MYRIP: variants seen among roughly 807,000 people sequenced by gnomAD.
MYRIP encodes the protein rab effector MyRIP.
Under a neutral mutation model 98.0 loss-of-function variants are expected in MYRIP, and 49 were observed. The ratio of observed to expected loss-of-function variants is 0.50; its 90% CI spans 0.40 to 0.63. The LOEUF is 0.63. MYRIP is among the 30% of genes least tolerant of loss of function. MYRIP has a pLI of 0.00. For synonymous variants in MYRIP, 404 were observed against 409.5 expected, an observed-to-expected ratio of 0.99 and a Z score of 0.16; for missense variants, 1,004 against 1,058.2, an observed-to-expected ratio of 0.95 and a Z score of 0.71.
intron 3 of MYRIP, among the ~76,000 whole-genome samples, chr3:40,136,124 G>A (rs1286142346): frequency 6.6e-6 from 1 of 152,138 alleles, no homozygotes; most frequent in African/African-American, 2.4e-5. Context: ...TCAGTGTGCT[G>A]TATTCAAGAA....
intron 3 of MYRIP, among the ~76,000 whole-genome samples, chr3:40,146,220 G>A (rs1349252093): frequency 6.6e-6 from 1 of 152,172 alleles, no homozygotes; most frequent in African/African-American, 2.4e-5. Context: ...GCGTGGTAGT[G>A]GCATTTTTGC....
chr3:40,260,314 A>AAAAT lies in MYRIP; in HGVS notation c.*2152_*2155dup. 1 of 152,350 alleles carries AAAAT rather than the reference A, an allele frequency of 6.6e-6. No individual in the cohort carries two copies. Among genetic ancestry groups the AAAAT allele is most frequent in the African/African-American group, 2.4e-5 (1 of 41,576 alleles). The allele number at this position is 152,350 out of a possible 1,614,324, so 9.4% of individuals were successfully genotyped here. A position where few individuals can be genotyped will look rare whatever the true frequency, so the allele number is the denominator to read the frequency against. ...AAATGATAAGTAAAAGTCATTTATG[A>AAAAT]AAATAAAGATTGTGTGTGTGCAATT... On this transcript the variant is annotated 3_prime_UTR_variant, in exon 17 of 17. Coordinates refer to ENST00000302541, the MANE Select transcript of MYRIP (RefSeq NM_015460.4).
At chr3:39,978,850 A>G (rs779523201) in intron 2 of MYRIP, among the ~76,000 whole-genome samples, 1 of 151,836 alleles carries the variant, frequency 6.6e-6, no homozygotes, top group Non-Finnish European at 1.5e-5. Context: ...TGTCACCAGA[A>G]TATATCACTT....
At chr3:40,124,935 T>C (rs996415462) in intron 3 of MYRIP, among the ~76,000 whole-genome samples, 3 of 152,206 alleles carry the variant, frequency 2.0e-5, no homozygotes. Context: ...GAAGAGGCAG[T>C]GCAGTGGTGA....
At chr3:39,966,133 T>C (rs984382644) in intron 2 of MYRIP, among the ~76,000 whole-genome samples, 2 of 152,146 alleles carry the variant, frequency 1.3e-5, no homozygotes, top group Admixed American at 1.3e-4. Flanking sequence ...TCTTCTCTCT[T>C]GCCTCTCAGA....
At chr3:40,088,271 G>T (rs1948670025) in intron 3 of MYRIP, among the ~76,000 whole-genome samples, 2 of 152,140 alleles carry the variant, frequency 1.3e-5, no homozygotes, top group South Asian at 4.1e-4. Context: ...TGTTCAGATG[G>T]TTGTGGTTCT....
rs374197927 is a variant in MYRIP at position 40,151,117 on chromosome 3, T to G, written c.402T>G (p.Ser134Arg). Reference sequence around the variant, plus strand: ...AGAGCCGCTTCAAGCGCTTTGGCAGTGCCAAGGTTCTGAAGAACCTGTACA... The same window carrying G: ...AGAGCCGCTTCAAGCGCTTTGGCAGGGCCAAGGTTCTGAAGAACCTGTACA... ...NVKSRFKRFGSAKVLKNLYRK... is the reference protein window; with the variant it reads ...NVKSRFKRFGRAKVLKNLYRK... The change falls in exon 4 of 17, where the codon AGT becomes AGG. Residue 134 changes from serine to arginine, a missense_variant. Transcript: ENST00000302541. The G allele has an allele frequency of 6.2e-7, 1 of 1,611,556 alleles. No individual in the cohort carries two copies. Among genetic ancestry groups the G allele is most frequent in the South Asian group, 1.1e-5 (1 of 90,464 alleles).
chr3:40,125,420 C>A (rs563715508), intron 3 of MYRIP, among the ~76,000 whole-genome samples: 1 of 152,292 alleles, frequency 6.6e-6, no homozygotes, highest in South Asian at 2.1e-4. Context: ...CCAGTCTTTC[C>A]TTTTCACATT....
chr3:40,107,654 A>G (rs1346783497), intron 3 of MYRIP, among the ~76,000 whole-genome samples: 1 of 152,150 alleles, frequency 6.6e-6, no homozygotes, highest in Admixed American at 6.6e-5. Context: ...CAGAGCAAAA[A>G]TTATAGGTAT....
intron 2 of MYRIP, among the ~76,000 whole-genome samples, chr3:40,039,368 G>C (rs545348940): frequency 6.6e-6 from 1 of 152,228 alleles, no homozygotes; most frequent in South Asian, 2.1e-4. Context: ...CAGAATAGGA[G>C]GAAGAGATAG....
chr3:39,976,871 G>T (rs771807959), intron 2 of MYRIP, among the ~76,000 whole-genome samples: 15 of 152,066 alleles, frequency 9.9e-5, no homozygotes, highest in Admixed American at 2.6e-4. Context: ...ACAGGAAGGG[G>T]AACATCACAC....
At chr3:40,015,340 G>A (rs1482423717) in intron 2 of MYRIP, among the ~76,000 whole-genome samples, 1 of 152,222 alleles carries the variant, frequency 6.6e-6, no homozygotes, top group Non-Finnish European at 1.5e-5. Flanking sequence ...GAGAGCTCCA[G>A]GGAGCAAGGG....
intron 16 of MYRIP, among the ~76,000 whole-genome samples, chr3:40,257,258 G>A (rs1016822588): frequency 2.0e-5 from 3 of 152,160 alleles, no homozygotes; most frequent in Non-Finnish European, 4.4e-5. Context: ...GAAGTTTGAG[G>A]TTGCAGTGAG....
chr3:40,151,125 T>C lies in MYRIP; in HGVS notation c.410T>C (p.Val137Ala). The C allele has an allele frequency of 6.2e-7, 1 of 1,610,886 alleles. No individual in the cohort carries two copies. The highest frequency in any genetic ancestry group is 8.5e-7 in the Non-Finnish European group (1 of 1,178,414). ...TTCAAGCGCTTTGGCAGTGCCAAGG[T>C]TCTGAAGAACCTGTACAGGAAGCAC... ...SRFKRFGSAK[V>A]LKNLYRKHRL... The change falls in exon 4 of 17, where the codon GTT becomes GCT. Residue 137 changes from valine (V) to alanine (A), a missense_variant. Val to Ala is a moderately conservative substitution (Grantham distance 64). Coordinates refer to ENST00000302541, the MANE Select transcript of MYRIP (RefSeq NM_015460.4).
At chr3:40,140,348 T>C (rs1405832827) in intron 3 of MYRIP, among the ~76,000 whole-genome samples, 3 of 152,252 alleles carry the variant, frequency 2.0e-5, no homozygotes, top group Non-Finnish European at 4.4e-5. Context: ...ACCACATCTT[T>C]TATCCCTTCA....
At chr3:39,998,441 C>G (rs1270605671) in intron 2 of MYRIP, among the ~76,000 whole-genome samples, 2 of 152,052 alleles carry the variant, frequency 1.3e-5, no homozygotes, top group Non-Finnish European at 2.9e-5. Flanking sequence ...GCTTCAAAGA[C>G]AATAAAATAC....
rs556930644 is a variant in MYRIP, at chr3:40,063,844, A to T, written c.332+19573A>T. ...AGCTTTTGTGGAAAAAGGTCTGTGCATGGGTGGTTGTGGAGGAGTAAAGAG... is the reference window on the plus strand; with the variant it reads ...AGCTTTTGTGGAAAAAGGTCTGTGCTTGGGTGGTTGTGGAGGAGTAAAGAG... On this transcript the variant is annotated intron_variant, in intron 3 of 16. Transcript: ENST00000302541. Among the ~76,000 whole-genome samples, 5 of 152,228 alleles carry T rather than the reference A, an allele frequency of 3.3e-5. No individual in the cohort carries two copies. In the East Asian group the frequency reaches 9.7e-4, roughly 29 times the overall value.
chr3:40,154,463 G>A (rs1486881063), intron 4 of MYRIP, among the ~76,000 whole-genome samples: 2 of 152,212 alleles, frequency 1.3e-5, no homozygotes, highest in Non-Finnish European at 1.5e-5. Flanking sequence ...AGTCAGATAA[G>A]TAAGTACATT....
At chr3:40,183,743 C>T (rs995964382) in intron 9 of MYRIP, among the ~76,000 whole-genome samples, 2 of 152,196 alleles carry the variant, frequency 1.3e-5, no homozygotes, top group African/African-American at 4.8e-5. Flanking sequence ...ATTCTCATCC[C>T]ATGTCGTATC....
Sources: allele counts gnomAD v4.1 joint callset (sites outside exome capture counted in the v4.1 genomes callset), GRCh38; gene constraint gnomAD v4.1.1; transcripts MANE v1.5; gene names NCBI Gene and HGNC (gene_info 2026-07-23, HGNC 2026-07-21).